The following NRP2 variants were observed in gnomAD, a reference collection of about 807,000 sequenced individuals.
NRP2 encodes neuropilin 2.
NRP2 carries 52 observed loss-of-function variants against 110.4 expected under a neutral mutation model. The observed-to-expected ratio is 0.47, with a 90% CI of 0.38 to 0.59. The LOEUF (loss-of-function observed/expected upper bound fraction) is 0.59, where lower values mean the gene tolerates loss of function less well. Among genes scored for constraint, NRP2 ranks in the 20% least tolerant of loss-of-function variants. The probability of loss-of-function intolerance (pLI) is 0.00; values close to 1 mark genes in which losing one functional copy is unlikely to be tolerated. For synonymous variants in NRP2, 508 were observed against 468.9 expected (o/e 1.08, Z -1.08); for missense variants, 1,049 against 1,203.0 (o/e 0.87, Z 1.89).
chr2:205,734,080 G>A (rs1256855841), intron 7 of NRP2, among the ~76,000 whole-genome samples: 1 of 152,122 alleles, frequency 6.6e-6, no homozygotes, highest in Non-Finnish European at 1.5e-5. Context: ...GATGAGAGCA[G>A]AGGTCATCAG....
In NRP2 at chr2:205,728,032, G is replaced by C. The variant is rs1445283426; in HGVS notation, c.1132G>C (p.Gly378Arg). The C allele has an allele frequency of 1.9e-6, 3 of 1,614,000 alleles. No homozygotes were observed. In the African/African-American group the frequency reaches 4.0e-5, roughly 22 times the overall value. Residue 378 changes from glycine (G) to arginine (R), a missense_variant, in exon 7 of 17, where the codon GGC (glycine) becomes CGC (arginine). Physicochemically the swap from Gly to Arg is moderately radical, Grantham distance 125. Coordinates refer to ENST00000357785, the MANE Select transcript of NRP2 (RefSeq NM_003872.3). ...NGEDWMVYRH[G>R]KNHKVFQANN... ...AGAGGACTGGATGGTGTACCGGCAT[G>C]GCAAAAACCACAAGGTAAATCCATG... is the stretch of plus-strand genomic sequence containing the variant.
intron 6 of NRP2, among the ~76,000 whole-genome samples, chr2:205,726,467 G>A (rs1261892253): frequency 1.3e-5 from 2 of 152,186 alleles, no homozygotes; most frequent in African/African-American, 2.4e-5. Flanking sequence ...TGAGGTGCTA[G>A]CTGCACATGA....
intron 13 of NRP2, 99 bp downstream of exon 13, chr2:205,764,035 C>T (rs889837669): frequency 6.9e-7 from 1 of 1,456,996 alleles, no homozygotes; most frequent in Non-Finnish European, 9.4e-7. Flanking sequence ...CTACTGTTTT[C>T]ATTGTGTTTC....
chr2:205,784,234 C>A lies in NRP2; in HGVS notation c.2426-8001C>A, dbSNP rs575363658. Among the ~76,000 whole-genome samples the A allele has an allele frequency of 5.9e-5, 9 of 152,344 alleles. No individual in the cohort carries two copies. The East Asian group carries it at 7.7e-4, about 13-fold the overall frequency. ...CTGCAACTTATTAAAGAGCAGCCAG[C>A]TCCAGTAACGATGGGTGTGCAGAAA... is the stretch of plus-strand genomic sequence containing the variant. On this transcript the variant is annotated intron_variant, in intron 15 of 16. Transcript: ENST00000357785.
chr2:205,704,609 C>T lies in NRP2; in HGVS notation c.251+6888C>T, dbSNP rs148348832. Among the ~76,000 whole-genome samples, 3 of 152,208 alleles carry T rather than the reference C, an allele frequency of 2.0e-5. No homozygotes were observed. The East Asian group carries it at 5.8e-4, about 29-fold the overall frequency. The stretch of plus-strand genomic sequence containing the variant: ...CAGCAACTCCACCTCACCCATGGAT[C>T]AGGGGGAAAAACAACTCACAGACTG... On this transcript the variant is annotated intron_variant, in intron 2 of 16. Coordinates refer to ENST00000357785, the MANE Select transcript of NRP2 (RefSeq NM_003872.3).
At chr2:205,730,807 T>C (rs2057223358) in intron 7 of NRP2, among the ~76,000 whole-genome samples, 1 of 152,204 alleles carries the variant, frequency 6.6e-6, no homozygotes, top group South Asian at 2.1e-4. Context: ...AAACACTGTT[T>C]ACAATGTGGA....
At chr2:205,784,907 C>A (rs1432986266) in intron 15 of NRP2, among the ~76,000 whole-genome samples, 1 of 152,210 alleles carries the variant, frequency 6.6e-6, no homozygotes. Context: ...TTACAGGGGA[C>A]CACACCTGAA....
chr2:205,700,384 C>T (rs1304622258), intron 2 of NRP2, among the ~76,000 whole-genome samples: 2 of 152,232 alleles, frequency 1.3e-5, no homozygotes, highest in Admixed American at 1.3e-4. Flanking sequence ...CAGAGCACAG[C>T]AGCAATGCCC....
intron 12 of NRP2, among the ~76,000 whole-genome samples, chr2:205,761,665 C>T (rs2057824522): frequency 6.6e-6 from 1 of 152,156 alleles, no homozygotes. Flanking sequence ...GCCAGTTTGC[C>T]TCAAACAGAG....
chr2:205,733,122 T>C (rs2057273027), intron 7 of NRP2, among the ~76,000 whole-genome samples: 1 of 152,172 alleles, frequency 6.6e-6, no homozygotes, highest in African/African-American at 2.4e-5. Flanking sequence ...AGTTTGTCCC[T>C]TATCCATTTG....
chr2:205,761,080 G>A (rs982509586), intron 12 of NRP2, among the ~76,000 whole-genome samples: 4 of 152,164 alleles, frequency 2.6e-5, no homozygotes, highest in Non-Finnish European at 4.4e-5. Context: ...GTCATTACTG[G>A]TGCACCTCAC....
intron 2 of NRP2, among the ~76,000 whole-genome samples, chr2:205,711,077 G>A (rs2056788242): frequency 6.6e-6 from 1 of 152,218 alleles, no homozygotes; most frequent in African/African-American, 2.4e-5. Flanking sequence ...CAGTAAATGT[G>A]TTGGGGCACA....
intron 15 of NRP2, among the ~76,000 whole-genome samples, chr2:205,772,134 A>T (rs1010470011): frequency 6.6e-6 from 1 of 152,202 alleles, no homozygotes; most frequent in African/African-American, 2.4e-5. Context: ...AAACCAGGAG[A>T]AAATCACTTG....
intron 2 of NRP2, among the ~76,000 whole-genome samples, chr2:205,709,349 C>G (rs1481773629): frequency 2.6e-5 from 4 of 152,168 alleles, no homozygotes; most frequent in African/African-American, 9.7e-5. Context: ...ATCCACCATC[C>G]TGTTTTGTTT....
chr2:205,689,981 G>T (rs76920954), intron 1 of NRP2, among the ~76,000 whole-genome samples: 1 of 152,106 alleles, frequency 6.6e-6, no homozygotes, highest in African/African-American at 2.4e-5. Flanking sequence ...AAAAGGAGGG[G>T]CTGGGAATAA....
rs577079481 is a variant in NRP2 at position 205,738,840 on chromosome 2, A to G, written c.1147-1679A>G. On this transcript the variant is annotated intron_variant, in intron 7 of 16. Transcript: ENST00000357785. ...ATTTGGTGGACTTCGCACCAGATCA[A>G]TGGTTTAAACTGAATATGGTGGACC... 9.8e-5 allele frequency among the ~76,000 whole-genome samples: 15 copies of G among 152,316 alleles called. No individual in the cohort carries two copies. The East Asian group carries it at 2.1e-3, about 22-fold the overall frequency.
chr2:205,766,446 C>T (rs1158581846), intron 14 of NRP2, among the ~76,000 whole-genome samples: 1 of 152,198 alleles, frequency 6.6e-6, no homozygotes, highest in Non-Finnish European at 1.5e-5. Context: ...CCGGGCAACT[C>T]TCAGGCCCCA....
chr2:205,706,095 T>C (rs1425299301), intron 2 of NRP2, among the ~76,000 whole-genome samples: 1 of 151,910 alleles, frequency 6.6e-6, no homozygotes, highest in Non-Finnish European at 1.5e-5. Flanking sequence ...CACCATCCTC[T>C]TCAAATTCCC....
rs557167599 is a variant in NRP2, at chr2:205,794,301, G to A, written c.2477-453G>A. Reference sequence around the variant, plus strand: ...AATTTTTTGTATTTTTAGTAGAGACGGGGTTTCACCGTGTTAGCCAGGATG... The same window carrying A: ...AATTTTTTGTATTTTTAGTAGAGACAGGGTTTCACCGTGTTAGCCAGGATG... On this transcript the variant is annotated intron_variant, in intron 16 of 16. Coordinates refer to ENST00000357785, the MANE Select transcript of NRP2 (RefSeq NM_003872.3). Among the ~76,000 whole-genome samples the A allele has an allele frequency of 9.9e-5, 15 of 152,078 alleles. No individual in the cohort carries two copies. In the East Asian group the frequency reaches 1.7e-3, roughly 18 times the overall value.
Sources: allele counts gnomAD v4.1 joint callset (sites outside exome capture counted in the v4.1 genomes callset), GRCh38; gene constraint gnomAD v4.1.1; transcripts MANE v1.5; gene names NCBI Gene and HGNC (gene_info 2026-07-23, HGNC 2026-07-21).